Variants in FOXO1 observed in about 807,000 individuals in gnomAD.
FOXO1 encodes the protein forkhead box O1.
In FOXO1, 6 loss-of-function variants were observed where a neutral mutation model predicts 44.1. The ratio of observed to expected loss-of-function variants is 0.14; its 90% CI spans 0.07 to 0.27. FOXO1 has a LOEUF of 0.27. FOXO1 is among the 10% of genes least tolerant of loss of function. The pLI, the probability that FOXO1 is intolerant of heterozygous loss-of-function variation, is 1.00. For synonymous variants in FOXO1, 380 were observed against 362.7 expected (o/e 1.05, Z -0.54); for missense variants, 737 against 888.8 (o/e 0.83, Z 2.17).
intron 1 of FOXO1, among the ~76,000 whole-genome samples, chr13:40,636,230 C>T (rs1877146909): frequency 6.6e-6 from 1 of 151,692 alleles, no homozygotes; most frequent in South Asian, 2.1e-4. Flanking sequence ...AAACAAAAAA[C>T]AAAAAACAAA....
At chr13:40,575,209 T>A (rs1434627623) in intron 1 of FOXO1, among the ~76,000 whole-genome samples, 1 of 150,462 alleles carries the variant, frequency 6.6e-6, no homozygotes, top group East Asian at 1.9e-4. Context: ...GGTGTGGTGT[T>A]GCACATTTGT....
chr13:40,643,628 C>T, intron 1 of FOXO1, among the ~76,000 whole-genome samples: 1 of 152,006 alleles, frequency 6.6e-6, no homozygotes. Flanking sequence ...TACACAATTA[C>T]TAGGAATGCT....
chr13:40,607,526 T>TGGGA (rs1181056017), intron 1 of FOXO1, among the ~76,000 whole-genome samples: 2 of 25,608 alleles, frequency 7.8e-5, no homozygotes, highest in African/African-American at 1.6e-4. Context: ...ACTAGATGGG[T>TGGGA]GGGAGGGAGG....
rs1873840338 is a variant in FOXO1 at position 40,558,395 on chromosome 13, G to A, written c.*654C>T. On this transcript the variant is annotated 3_prime_UTR_variant, in exon 3 of 3. Transcript: ENST00000379561. The stretch of plus-strand genomic sequence containing the variant: ...AAAAAATAGAAAAGACCTGTACAAA[G>A]CTGGCATTTAATCTTTTTTTTTCCA... 6.8e-6 allele frequency: 1 copy of A among 146,128 alleles called. No individual in the cohort carries two copies. The highest frequency in any genetic ancestry group is 2.6e-5 in the African/African-American group (1 of 38,170). 9.1% of individuals were successfully genotyped at this position (146,128 alleles called of 1,614,324 possible). A position where few individuals can be genotyped will look rare whatever the true frequency, so the allele number is the denominator to read the frequency against.
intron 1 of FOXO1, chr13:40,618,799 A>C (rs1324298057): frequency 2.1e-5 from 11 of 522,916 alleles, no homozygotes; most frequent in Admixed American, 3.9e-5. Flanking sequence ...CAAGACCGTA[A>C]TCATTTGTGA....
At position 40,644,411 on chromosome 13, in the gene FOXO1, G is replaced by A. The variant is rs547167629; in HGVS notation, c.630+21172C>T. Among the ~76,000 whole-genome samples, 14 of 152,228 alleles carry A rather than the reference G, an allele frequency of 9.2e-5. No homozygotes were observed. In the South Asian group the frequency reaches 2.7e-3, roughly 29 times the overall value. On this transcript the variant is annotated intron_variant, in intron 1 of 2. Transcript: ENST00000379561. The stretch of plus-strand genomic sequence containing the variant: ...AGGACTTTACTGCCTCTAACAGAAA[G>A]GAAAAATTTACTAGGAGAGAAAAGT...
Position 40,559,945 on chromosome 13 carries a change from T to C in FOXO1, c.1546A>G (p.Met516Val). 2.5e-6 allele frequency: 4 copies of C among 1,614,156 alleles called. No individual in the cohort carries two copies. The highest frequency in any genetic ancestry group is 3.4e-6 in the Non-Finnish European group (4 of 1,180,042). The change falls in exon 2 of 3, where the codon ATG (methionine) becomes GTG (valine). Residue 516 changes from methionine to valine, a missense_variant. Transcript: ENST00000379561. ...TYGSQASHNK[M>V]MNPSSHTHPG... ...TGGGTATGGGAGCTGGGATTCATCATTTTGTTATGAGATGCCTGGCTGCCA... is the reference window on the plus strand; with the variant it reads ...TGGGTATGGGAGCTGGGATTCATCACTTTGTTATGAGATGCCTGGCTGCCA...
In FOXO1 at chr13:40,559,022, T is replaced by C; in HGVS notation, c.*27A>G. On this transcript the variant is annotated 3_prime_UTR_variant, in exon 3 of 3. Coordinates refer to ENST00000379561, the MANE Select transcript of FOXO1 (RefSeq NM_002015.4). ...CCTGCTGTCAGACAATCTGAAGTAC[T>C]TTTAAGTGTAACCTAGGAAAAAACA... 2.5e-6 allele frequency: 1 copy of C among 398,436 alleles called. No individual in the cohort carries two copies. 24.7% of individuals were successfully genotyped at this position (398,436 alleles called of 1,614,324 possible).
intron 1 of FOXO1, among the ~76,000 whole-genome samples, chr13:40,625,954 A>T (rs7338669): frequency 6.6e-6 from 1 of 151,968 alleles, no homozygotes; most frequent in African/African-American, 2.4e-5. Context: ...GGATAAAGTC[A>T]TCTTTGTCTT....
At chr13:40,652,841 C>A (rs1877728934) in intron 1 of FOXO1, among the ~76,000 whole-genome samples, 1 of 152,180 alleles carries the variant, frequency 6.6e-6, no homozygotes, top group Non-Finnish European at 1.5e-5. Context: ...TTGTATGAAC[C>A]ACTCCCAAAT....
chr13:40,573,602 A>T (rs1170410291), intron 1 of FOXO1, among the ~76,000 whole-genome samples: 4 of 152,230 alleles, frequency 2.6e-5, no homozygotes, highest in Non-Finnish European at 5.9e-5. Context: ...CTAATGCTGC[A>T]GTTCGAATCA....
chr13:40,569,708 C>T (rs145635226), intron 1 of FOXO1, among the ~76,000 whole-genome samples: 4 of 152,282 alleles, frequency 2.6e-5, no homozygotes, highest in African/African-American at 9.6e-5. Context: ...TGTCAGAACA[C>T]GTGTGTCCAG....
chr13:40,607,981 T>TC (rs1340802960), intron 1 of FOXO1, among the ~76,000 whole-genome samples: 12 of 152,232 alleles, frequency 7.9e-5, no homozygotes, highest in Non-Finnish European at 5.9e-5. Context: ...CTCTTTCTTG[T>TC]CCCTTACCCA....
chr13:40,574,396 C>A (rs897633327), intron 1 of FOXO1, among the ~76,000 whole-genome samples: 1 of 152,188 alleles, frequency 6.6e-6, no homozygotes, highest in Non-Finnish European at 1.5e-5. Context: ...TACCAAATAA[C>A]TGAATGGTGC....
chr13:40,598,364 T>G (rs1481353347), intron 1 of FOXO1, among the ~76,000 whole-genome samples: 2 of 152,096 alleles, frequency 1.3e-5, no homozygotes, highest in Non-Finnish European at 2.9e-5. Flanking sequence ...AGAAGGGGCA[T>G]TCACACAAAT....
intron 1 of FOXO1, among the ~76,000 whole-genome samples, chr13:40,597,079 C>G (rs1011294647): frequency 6.6e-6 from 1 of 152,204 alleles, no homozygotes; most frequent in African/African-American, 2.4e-5. Context: ...ATGGACTGCT[C>G]TTTTGCTGTC....
chr13:40,647,299 A>C (rs1301840258), intron 1 of FOXO1, among the ~76,000 whole-genome samples: 3 of 152,212 alleles, frequency 2.0e-5, no homozygotes, highest in Non-Finnish European at 4.4e-5. Context: ...ATAAGCTTCA[A>C]TCATGCAACC....
At chr13:40,618,904 A>G (rs774905128) in intron 1 of FOXO1, 1 of 525,094 alleles carries the variant, frequency 1.9e-6, no homozygotes, top group East Asian at 5.4e-5. Context: ...ATAATCTTTT[A>G]GGCTCCCCTA....
chr13:40,581,751 G>A (rs2137851582), intron 1 of FOXO1, among the ~76,000 whole-genome samples: 1 of 152,288 alleles, frequency 6.6e-6, no homozygotes, highest in East Asian at 1.9e-4. Context: ...ATCTGGTCAT[G>A]TAAGAACAAT....
Sources: allele counts gnomAD v4.1 joint callset (sites outside exome capture counted in the v4.1 genomes callset), GRCh38; gene constraint gnomAD v4.1.1; transcripts MANE v1.5; gene names NCBI Gene and HGNC (gene_info 2026-07-23, HGNC 2026-07-21).